Variants in TUSC3 observed in about 807,000 individuals in gnomAD.
TUSC3 encodes dolichyl-diphosphooligosaccharide--protein glycosyltransferase subunit TUSC3.
Under a neutral mutation model 44.8 loss-of-function variants are expected in TUSC3, and 45 were observed. That is an observed-to-expected ratio of 1.00 (90% CI 0.79 to 1.29). The LOEUF (loss-of-function observed/expected upper bound fraction) is 1.29, where lower values mean the gene tolerates loss of function less well. Ranked by LOEUF, TUSC3 falls within the 50% of genes most tolerant of loss-of-function variation. TUSC3 has a pLI of 0.00. For synonymous variants in TUSC3, 212 were observed against 152.9 expected (o/e 1.39, Z -2.85); for missense variants, 519 against 437.9 (o/e 1.19, Z -1.65).
chr8:15,489,569 G>A (rs1407469427), intron 2 of TUSC3, among the ~76,000 whole-genome samples: 1 of 152,164 alleles, frequency 6.6e-6, no homozygotes, highest in East Asian at 1.9e-4. Flanking sequence ...ATATGTCAAA[G>A]AGTTACGTTT....
Position 15,748,419 on chromosome 8 carries a change from T to A in TUSC3, c.982T>A (p.Phe328Ile), listed in dbSNP as rs1362318339. Residue 328 changes from phenylalanine to isoleucine, a missense_variant, in exon 9 of 11, where the codon TTT (phenylalanine) becomes ATT (isoleucine). Phe to Ile is a conservative substitution (Grantham distance 21, BLOSUM62 0). Transcript: ENST00000503731. ...GLGLVVFFFS[F>I]LLSIFRSKYH... ...GGGCCTGGTGGTCTTCTTCTTCAGT[T>A]TTCTACTTTCAATATTTCGTTCCAA... 2.5e-6 allele frequency: 4 copies of A among 1,613,544 alleles called. No homozygotes were observed. The African/African-American group carries it at 4.0e-5, about 16-fold the overall frequency.
chr8:15,695,435 A>G (rs886727691), intron 6 of TUSC3, among the ~76,000 whole-genome samples: 1 of 152,192 alleles, frequency 6.6e-6, no homozygotes, highest in African/African-American at 2.4e-5. Flanking sequence ...TGCCAGTCAC[A>G]TGGAACTGTA....
chr8:15,654,328 T>TA (rs1185564685), intron 3 of TUSC3, among the ~76,000 whole-genome samples: 1 of 152,146 alleles, frequency 6.6e-6, no homozygotes, highest in African/African-American at 2.4e-5. Context: ...AAGGAACTGG[T>TA]AACTGTGTGC....
intron 2 of TUSC3, among the ~76,000 whole-genome samples, chr8:15,534,629 C>T (rs1170190658): frequency 2.2e-5 from 3 of 137,032 alleles, no homozygotes; most frequent in South Asian, 2.3e-4. Context: ...GGTGACAGAG[C>T]GAGACTCGGT....
rs561673116 is a variant in TUSC3 at position 15,752,467 on chromosome 8, T to TGACA, written c.1028+4004_1028+4007dup. 1.6e-4 allele frequency among the ~76,000 whole-genome samples: 25 copies of TGACA among 152,286 alleles called. No homozygotes were observed. The East Asian group carries it at 3.7e-3, about 22-fold the overall frequency. The stretch of plus-strand genomic sequence containing the variant: ...TCTTAACCAATTTGGGTGAATTTTA[T>TGACA]GACAGTTCTCTAATTCAAATTCTAG... On this transcript the variant is annotated intron_variant, in intron 9 of 10. Coordinates refer to ENST00000503731, the MANE Select transcript of TUSC3 (RefSeq NM_006765.4).
At chr8:15,459,306 G>A (rs1157481992) in intron 1 of TUSC3, among the ~76,000 whole-genome samples, 1 of 152,004 alleles carries the variant, frequency 6.6e-6, no homozygotes, top group Non-Finnish European at 1.5e-5. Flanking sequence ...AATAGAAGTT[G>A]TTTTGGATGC....
intron 2 of TUSC3, among the ~76,000 whole-genome samples, chr8:15,491,303 GC>G: frequency 6.6e-6 from 1 of 152,226 alleles, no homozygotes; most frequent in East Asian, 1.9e-4. Context: ...AGATCTTGGG[GC>G]CCACAAGGAA....
At chr8:15,599,699 T>A (rs1410971588) in intron 1 of TUSC3, among the ~76,000 whole-genome samples, 1 of 141,330 alleles carries the variant, frequency 7.1e-6, no homozygotes, top group Admixed American at 7.2e-5. Flanking sequence ...ATATTGCTTG[T>A]GGTTTTTTTT....
At chr8:15,547,723 T>G (rs1801922637) in intron 1 of TUSC3, among the ~76,000 whole-genome samples, 2 of 151,370 alleles carry the variant, frequency 1.3e-5, no homozygotes, top group Admixed American at 6.6e-5. Context: ...ATGAATTAGA[T>G]TAGTGCCCTT....
rs1471346678 is a variant in TUSC3, at chr8:15,649,124, A to AT, written c.309-1569dup. On this transcript the variant is annotated intron_variant, in intron 2 of 10. Coordinates refer to ENST00000503731, the MANE Select transcript of TUSC3 (RefSeq NM_006765.4). The stretch of plus-strand genomic sequence containing the variant: ...GTATGTTAGTTACAGTTACACTTCC[A>AT]TTTTCATGTTTTCTGATCGTTCTTT... Among the ~76,000 whole-genome samples the AT allele has an allele frequency of 4.0e-5, 6 of 151,894 alleles. No individual in the cohort carries two copies. In the East Asian group the frequency reaches 1.2e-3, roughly 29 times the overall value.
intron 3 of TUSC3, among the ~76,000 whole-genome samples, chr8:15,654,463 AT>A (rs1307216110): frequency 1.3e-5 from 2 of 152,132 alleles, no homozygotes; most frequent in African/African-American, 4.8e-5. Flanking sequence ...TTAGAGATAT[AT>A]TTTTTATATA....
At chr8:15,457,543 A>T (rs1221642364) in intron 1 of TUSC3, among the ~76,000 whole-genome samples, 1 of 151,046 alleles carries the variant, frequency 6.6e-6, no homozygotes, top group Admixed American at 6.6e-5. Flanking sequence ...ACCAGTAATT[A>T]CGCAATCATG....
At chr8:15,840,019 C>A in the TUSC3 span, among the ~76,000 whole-genome samples, 29 of 152,234 alleles carry the variant, frequency 1.9e-4, no homozygotes, top group African/African-American at 7.0e-4. Flanking sequence ...AAATGTGGCA[C>A]ATATACACCA....
At chr8:15,851,639 C>G in the TUSC3 span, among the ~76,000 whole-genome samples, 2 of 152,188 alleles carry the variant, frequency 1.3e-5, no homozygotes, top group Non-Finnish European at 2.9e-5. Flanking sequence ...GAGATTCTAA[C>G]GATGGTCCTC....
chr8:15,818,554 C>T, the TUSC3 span, among the ~76,000 whole-genome samples: 2 of 152,126 alleles, frequency 1.3e-5, no homozygotes, highest in African/African-American at 4.8e-5. Flanking sequence ...ATTAAAAATG[C>T]ACTTCTAAAG....
chr8:15,729,602 T>A (rs1039826432), intron 6 of TUSC3, among the ~76,000 whole-genome samples: 5 of 152,034 alleles, frequency 3.3e-5, no homozygotes, highest in Non-Finnish European at 7.4e-5. Context: ...CTAAGCAAAT[T>A]AATGCAGTAA....
rs201719205 is a variant in TUSC3 at position 15,649,709 on chromosome 8, C to T, written c.309-988C>T. On this transcript the variant is annotated intron_variant, in intron 2 of 10. Coordinates refer to ENST00000503731, the MANE Select transcript of TUSC3 (RefSeq NM_006765.4). ...CTAGCTTCTTATTGCACTGCAATCT[C>T]CTTTGAGAGTCTAACTTCCTCTCAA... Among the ~76,000 whole-genome samples, 25 of 152,248 alleles carry T rather than the reference C, an allele frequency of 1.6e-4. No individual in the cohort carries two copies. The East Asian group carries it at 3.9e-3, about 24-fold the overall frequency.
intron 6 of TUSC3, among the ~76,000 whole-genome samples, chr8:15,713,725 A>G (rs181757869): frequency 4.6e-5 from 7 of 152,040 alleles, no homozygotes; most frequent in Admixed American, 3.3e-4. Flanking sequence ...AAAGATGCCA[A>G]TTATATTGGA....
At chr8:15,443,151 TCTTCCTTC>T (rs111430826) in intron 1 of TUSC3, among the ~76,000 whole-genome samples, 86 of 152,030 alleles carry the variant, frequency 5.7e-4, no homozygotes, top group African/African-American at 2.0e-3. Context: ...TTTTCTTTTT[TCTTCCTTC>T]CTTCCTTCCT....
Sources: gnomAD v4.1 joint callset for allele counts (sites outside exome capture counted in the v4.1 genomes callset) on GRCh38, gnomAD v4.1.1 for gene constraint, MANE v1.5 for transcripts, NCBI Gene and HGNC (gene_info 2026-07-23, HGNC 2026-07-21) for gene names.